Variants in VEPH1 observed in about 807,000 individuals in gnomAD.
The protein encoded by VEPH1 is ventricular zone-expressed PH domain-containing protein homolog 1.
VEPH1 carries 80 observed loss-of-function variants against 85.2 expected under a neutral mutation model. The ratio of observed to expected loss-of-function variants is 0.94; its 90% confidence interval spans 0.78 to 1.13. The LOEUF is 1.13. VEPH1 is among the 50% of genes most tolerant of loss of function. The pLI is 0.00. For missense variants in VEPH1, 955 were observed against 980.5 expected (o/e 0.97, Z 0.35); for synonymous variants, 297 against 348.0 (o/e 0.85, Z 1.63).
intron 4 of VEPH1, among the ~76,000 whole-genome samples, chr3:157,458,057 G>A (rs1238114374): frequency 6.6e-6 from 1 of 152,156 alleles, no homozygotes; most frequent in Non-Finnish European, 1.5e-5. Context: ...TTATTGGTCT[G>A]TTCAGGGATT....
intron 6 of VEPH1, among the ~76,000 whole-genome samples, chr3:157,382,509 T>C (rs1728888393): frequency 6.6e-6 from 1 of 152,258 alleles, no homozygotes; most frequent in Admixed American, 6.5e-5. Flanking sequence ...TAAATAACAA[T>C]TTAAAATATG....
At chr3:157,284,781 A>C (rs775685758) in intron 12 of VEPH1, among the ~76,000 whole-genome samples, 2 of 152,190 alleles carry the variant, frequency 1.3e-5, no homozygotes, top group Non-Finnish European at 2.9e-5. Flanking sequence ...TCAGGGCCAA[A>C]CATTTTGATT....
chr3:157,364,654 C>T, intron 7 of VEPH1, 142 bp from the exon 8 acceptor site: 1 of 755,332 alleles, frequency 1.3e-6, no homozygotes, highest in Admixed American at 3.0e-5. Flanking sequence ...CAAGTATTTA[C>T]TGCAGGCATA....
At chr3:157,497,849 G>A (rs1196764635) in intron 1 of VEPH1, among the ~76,000 whole-genome samples, 1 of 152,180 alleles carries the variant, frequency 6.6e-6, no homozygotes, top group Non-Finnish European at 1.5e-5. Flanking sequence ...GAAACATCAA[G>A]TTGTTTAACA....
intron 4 of VEPH1, among the ~76,000 whole-genome samples, chr3:157,457,511 G>T (rs1577702831): frequency 6.6e-6 from 1 of 152,194 alleles, no homozygotes; most frequent in African/African-American, 2.4e-5. Flanking sequence ...GATGTTGGCT[G>T]TGGGTTTGCC....
chr3:157,287,730 A>G (rs370241973), intron 11 of VEPH1, among the ~76,000 whole-genome samples: 1 of 151,780 alleles, frequency 6.6e-6, no homozygotes, highest in South Asian at 2.1e-4. Flanking sequence ...ACACCTGGCT[A>G]ATTTTTGTAT....
chr3:157,364,206 TA>T (rs963619086), intron 8 of VEPH1, 96 bp downstream of exon 8: 20 of 932,066 alleles, frequency 2.1e-5, no homozygotes, highest in Non-Finnish European at 2.9e-5. Flanking sequence ...TGGCAATGGG[TA>T]AAAGATATAT....
intron 3 of VEPH1, among the ~76,000 whole-genome samples, chr3:157,469,485 T>C (rs932557841): frequency 6.6e-6 from 1 of 152,190 alleles, no homozygotes; most frequent in Non-Finnish European, 1.5e-5. Flanking sequence ...GGAGGTTTCA[T>C]AGTGAAATCA....
At chr3:157,353,451 G>A (rs184397368) in intron 9 of VEPH1, among the ~76,000 whole-genome samples, 4 of 152,164 alleles carry the variant, frequency 2.6e-5, no homozygotes, top group Non-Finnish European at 5.9e-5. Flanking sequence ...TATTTTAATA[G>A]AGGTGGGGTT....
At chr3:157,308,022 A>G (rs985621684) in intron 11 of VEPH1, among the ~76,000 whole-genome samples, 1 of 151,608 alleles carries the variant, frequency 6.6e-6, no homozygotes, top group African/African-American at 2.4e-5. Flanking sequence ...TAGATTTGTT[A>G]TTGATTTTAT....
intron 9 of VEPH1, among the ~76,000 whole-genome samples, chr3:157,322,646 G>A (rs55735313): frequency 0.24 from 37,155 of 152,142 alleles, 4,983 homozygotes; most frequent in South Asian, 0.34. Flanking sequence ...CTGGACATTT[G>A]CTCAGGGCTA....
chr3:157,437,913 A>AGGT, intron 4 of VEPH1: 1 of 1,526,300 alleles, frequency 6.6e-7, no homozygotes, highest in South Asian at 1.2e-5. Flanking sequence ...GGCTGCCGGC[A>AGGT]GGTAAGGAGG....
intron 7 of VEPH1, among the ~76,000 whole-genome samples, chr3:157,376,079 T>A (rs1217159052): frequency 2.0e-5 from 3 of 152,174 alleles, no homozygotes; most frequent in African/African-American, 7.2e-5. Flanking sequence ...TTTCTCCTTT[T>A]TTCCTTGGGT....
At chr3:157,345,073 C>T (rs1279424839) in intron 9 of VEPH1, among the ~76,000 whole-genome samples, 1 of 152,090 alleles carries the variant, frequency 6.6e-6, no homozygotes, top group African/African-American at 2.4e-5. Flanking sequence ...CCATAAAAAC[C>T]CTAGAAGAAA....
intron 6 of VEPH1, among the ~76,000 whole-genome samples, chr3:157,408,026 A>G (rs1463679418): frequency 1.3e-5 from 2 of 152,122 alleles, no homozygotes; most frequent in African/African-American, 2.4e-5. Flanking sequence ...TTTTGCCCTC[A>G]TCGTAAGCAA....
chr3:157,292,995 A>C (rs1211204984), intron 11 of VEPH1, among the ~76,000 whole-genome samples: 1 of 151,864 alleles, frequency 6.6e-6, no homozygotes, highest in Non-Finnish European at 1.5e-5. Context: ...AAAAAAAAAA[A>C]AAAAGAAAAA....
At chr3:157,357,052 T>C (rs937366356) in intron 9 of VEPH1, among the ~76,000 whole-genome samples, 4 of 152,230 alleles carry the variant, frequency 2.6e-5, no homozygotes, top group Non-Finnish European at 4.4e-5. Flanking sequence ...ATTTCAAAAA[T>C]ATATTTAAAA....
intron 6 of VEPH1, among the ~76,000 whole-genome samples, chr3:157,402,078 A>G (rs1730828461): frequency 6.6e-6 from 1 of 152,206 alleles, no homozygotes; most frequent in South Asian, 2.1e-4. Context: ...AGAAGAACAG[A>G]AGAGTCACTT....
At chr3:157,498,203 C>G (rs566274841) in intron 1 of VEPH1, among the ~76,000 whole-genome samples, 1 of 152,174 alleles carries the variant, frequency 6.6e-6, no homozygotes, top group South Asian at 2.1e-4. Flanking sequence ...ATCTAGGAAC[C>G]AAGGGTCATG....
Sources: allele counts gnomAD v4.1 joint callset (sites outside exome capture counted in the v4.1 genomes callset), GRCh38; gene constraint gnomAD v4.1.1; transcripts MANE v1.5; gene names NCBI Gene and HGNC (gene_info 2026-07-23, HGNC 2026-07-21).